The following NSFL1C variants were observed in gnomAD, a reference collection of about 807,000 sequenced individuals.
NSFL1C encodes the protein NSFL1 cofactor, also known as NSFL1 cofactor p47.
In NSFL1C, 14 loss-of-function variants were observed where a neutral mutation model predicts 43.1. The observed-to-expected ratio is 0.32, with a 90% CI of 0.21 to 0.51. The LOEUF is 0.51. Among genes scored for constraint, NSFL1C ranks in the 20% least tolerant of loss-of-function variants. The pLI, the probability that NSFL1C is intolerant of heterozygous loss-of-function variation, is 0.98. For missense variants in NSFL1C, 406 were observed against 472.5 expected, an observed-to-expected ratio of 0.86 and a Z score of 1.30; for synonymous variants, 171 against 183.5, an observed-to-expected ratio of 0.93 and a Z score of 0.55.
Position 1,458,530 on chromosome 20 carries a change from T to TG in NSFL1C, c.204-257dup, listed in dbSNP as rs1382650618. On this transcript the variant is annotated intron_variant, in intron 2 of 8. Coordinates refer to ENST00000216879, the MANE Select transcript of NSFL1C (RefSeq NM_016143.5). ...AATGGAATCCCAATTTAAGCTGCCCTGGCTTTAATAAAAACTAGAAAGTAT... is the reference window on the plus strand; with the variant it reads ...AATGGAATCCCAATTTAAGCTGCCCTGGGCTTTAATAAAAACTAGAAAGTAT... Among the ~76,000 whole-genome samples, 4 of 152,328 alleles carry TG rather than the reference T, an allele frequency of 2.6e-5. No homozygotes were observed. In the East Asian group the frequency reaches 7.7e-4, roughly 29 times the overall value.
intron 3 of NSFL1C, chr20:1,455,843 G>T: frequency 1.3e-6 from 1 of 743,034 alleles, no homozygotes. Context: ...ACCTCACCTT[G>T]CCATTCATGT....
intron 4 of NSFL1C, among the ~76,000 whole-genome samples, 165 bp from the exon 5 acceptor site, chr20:1,454,470 C>T (rs1599952397): frequency 6.6e-6 from 1 of 152,178 alleles, no homozygotes; most frequent in Non-Finnish European, 1.5e-5. Flanking sequence ...GACTCAGTGC[C>T]TACATGCCCA....
At chr20:1,450,310 C>T (rs918810736) in intron 7 of NSFL1C, among the ~76,000 whole-genome samples, 3 of 151,832 alleles carry the variant, frequency 2.0e-5, no homozygotes, top group Admixed American at 2.0e-4. Flanking sequence ...AAGCTAAAGT[C>T]CCATCTCACT....
intron 1 of NSFL1C, among the ~76,000 whole-genome samples, chr20:1,464,894 G>A (rs1261504766): frequency 6.6e-6 from 1 of 152,164 alleles, no homozygotes; most frequent in Non-Finnish European, 1.5e-5. Context: ...GAGGAGCCAG[G>A]TTCCATCCCT....
chr20:1,461,007 T>G (rs1449919588), intron 2 of NSFL1C, among the ~76,000 whole-genome samples: 2 of 152,194 alleles, frequency 1.3e-5, no homozygotes, highest in South Asian at 2.1e-4. Flanking sequence ...CTTGAATCTG[T>G]GGTAACAGCA....
intron 6 of NSFL1C, among the ~76,000 whole-genome samples, 199 bp from the exon 7 acceptor site, chr20:1,452,829 T>C (rs899190662): frequency 2.0e-5 from 3 of 152,264 alleles, no homozygotes; most frequent in Admixed American, 6.5e-5. Context: ...TATTTCTTAT[T>C]TGGCCACTTA....
Position 1,458,182 on chromosome 20 carries a change from C to A in NSFL1C, c.278+18G>T. 4 of 1,606,652 alleles carry A rather than the reference C, an allele frequency of 2.5e-6. No homozygotes were observed. Among genetic ancestry groups the A allele is most frequent in the Non-Finnish European group, 3.4e-6 (4 of 1,173,350 alleles). On this transcript the variant is annotated intron_variant, in intron 3 of 8. Coordinates refer to ENST00000216879, the MANE Select transcript of NSFL1C (RefSeq NM_016143.5). The stretch of plus-strand genomic sequence containing the variant: ...CTTCCCTGTGAACTGTCCCCCTGAC[C>A]CCCTCTAGAAGACTCACCTCTGGCC...
Position 1,457,783 on chromosome 20 carries a change from C to T in NSFL1C, c.278+417G>A, listed in dbSNP as rs576764424. ...TTCTTTTTAAAGACTGAGTAGTATT[C>T]CTACTGTGTATATACACCACATTTG... On this transcript the variant is annotated intron_variant, in intron 3 of 8. Coordinates refer to ENST00000216879, the MANE Select transcript of NSFL1C (RefSeq NM_016143.5). Among the ~76,000 whole-genome samples, 3 of 152,312 alleles carry T rather than the reference C, an allele frequency of 2.0e-5. No homozygotes were observed. In the South Asian group the frequency reaches 6.2e-4, roughly 32 times the overall value.
intron 2 of NSFL1C, among the ~76,000 whole-genome samples, chr20:1,460,628 T>C (rs960854127): frequency 6.6e-6 from 1 of 152,236 alleles, no homozygotes; most frequent in African/African-American, 2.4e-5. Flanking sequence ...TTTCTGCTTT[T>C]AATCCGGTTA....
chr20:1,444,207 C>T (rs1305074726), intron 8 of NSFL1C, among the ~76,000 whole-genome samples: 1 of 152,248 alleles, frequency 6.6e-6, no homozygotes, highest in East Asian at 1.9e-4. Context: ...GCCATACTCT[C>T]TTCCCACATT....
chr20:1,455,446 A>G (rs971160635), intron 3 of NSFL1C, among the ~76,000 whole-genome samples: 2 of 152,164 alleles, frequency 1.3e-5, no homozygotes. Context: ...AAGCATGCAA[A>G]ACAGCTTATC....
chr20:1,455,725 G>A (rs748563546), intron 3 of NSFL1C: 7 of 779,632 alleles, frequency 9.0e-6, no homozygotes, highest in South Asian at 8.0e-5. Context: ...TGCTCCTTAA[G>A]TCAGAGCCGT....
At chr20:1,465,061 GATA>G (rs1219442125) in intron 1 of NSFL1C, among the ~76,000 whole-genome samples, 2 of 152,202 alleles carry the variant, frequency 1.3e-5, no homozygotes, top group African/African-American at 4.8e-5. Context: ...CACTGGATGA[GATA>G]ATCCATTAAG....
Position 1,454,266 on chromosome 20 carries a change from C to T in NSFL1C, c.484G>A (p.Glu162Lys). 6.2e-7 allele frequency: 1 copy of T among 1,612,764 alleles called. No individual in the cohort carries two copies. The highest frequency in any genetic ancestry group is 8.5e-7 in the Non-Finnish European group (1 of 1,180,018). Residue 162 changes from glutamate (E) to lysine (K), a missense_variant, in exon 5 of 9, where the codon GAG (glutamate) becomes AAG (lysine). By Grantham distance (56) the Glu-to-Lys change is moderately conservative. Transcript: ENST00000216879. ...GGGYRLGAAP[E>K]EESAYVAGEK... ...CCTGCCACATAGGCAGACTCTTCCT[C>T]TGGTGCTGCCCCAAGGCGGTAGCCA...
In NSFL1C at chr20:1,445,696, C is replaced by T. The variant is rs916060907; in HGVS notation, c.920G>A (p.Arg307Lys). The change falls in exon 8 of 9, where the codon AGG (arginine) becomes AAG (lysine). Residue 307 changes from arginine (R) to lysine (K), a missense_variant. This residue lies in a region of NSFL1C where 196 missense variants were observed against 228.0 expected (regional missense o/e 0.86). Coordinates refer to ENST00000216879, the MANE Select transcript of NSFL1C (RefSeq NM_016143.5). Reference protein sequence around the residue: ...NIQIRLADGGRLVQKFNHSHR... With the variant: ...NIQIRLADGGKLVQKFNHSHR... ...GCTGTGGTTAAATTTCTGCACCAGC[C>T]TCCCGCCGTCTGCAAGCCGAATTTG... The T allele has an allele frequency of 8.7e-6, 14 of 1,613,210 alleles. No individual in the cohort carries two copies. The highest frequency in any genetic ancestry group is 2.7e-5 in the African/African-American group (2 of 74,858).
rs2090160976 is a variant in NSFL1C, at chr20:1,450,485, T to C, written c.785+2008A>G. 2.0e-5 allele frequency among the ~76,000 whole-genome samples: 3 copies of C among 152,240 alleles called. No individual in the cohort carries two copies. The South Asian group carries it at 6.2e-4, about 32-fold the overall frequency. ...CATTCTCCACATTAATATTTATTCC[T>C]ATCATGCTAAAATAGACTTTAAAGA... On this transcript the variant is annotated intron_variant, in intron 7 of 8. Coordinates refer to ENST00000216879, the MANE Select transcript of NSFL1C (RefSeq NM_016143.5).
At chr20:1,446,129 A>T in intron 7 of NSFL1C, 1 of 491,654 alleles carries the variant, frequency 2.0e-6, no homozygotes, top group Non-Finnish European at 3.8e-6. Flanking sequence ...CAAGGGCTTG[A>T]AGGGAGGAAA....
chr20:1,443,033 G>A lies in NSFL1C; in HGVS notation c.*716C>T, dbSNP rs1270149071. 6.6e-6 allele frequency: 1 copy of A among 152,232 alleles called. No individual in the cohort carries two copies. The highest frequency in any genetic ancestry group is 1.5e-5 in the Non-Finnish European group (1 of 68,066). The allele number at this position is 152,232 out of a possible 1,614,324, so 9.4% of individuals were successfully genotyped here. A position where few individuals can be genotyped will look rare whatever the true frequency, so the allele number is the denominator to read the frequency against. On this transcript the variant is annotated 3_prime_UTR_variant, in exon 9 of 9. Transcript: ENST00000216879. ...AATCAAGCCATAATGGAGCCCCTGA[G>A]AATCCCCAGGAGGCGAGCAGTCTGG...
At chr20:1,457,168 T>A (rs946917167) in intron 3 of NSFL1C, 3 of 152,344 alleles carry the variant, frequency 2.0e-5, no homozygotes, top group Non-Finnish European at 2.9e-5. Flanking sequence ...CTTATAAGCC[T>A]ATTATTCTGT....
Sources: gnomAD v4.1 joint callset for allele counts (sites outside exome capture counted in the v4.1 genomes callset) on GRCh38, gnomAD v4.1.1 for gene constraint, gnomAD v4.1.1 regional missense constraint, MANE v1.5 for transcripts, NCBI Gene and HGNC (gene_info 2026-07-23, HGNC 2026-07-21) for gene names.